TSNARE1: variants seen among roughly 807,000 people sequenced by gnomAD.
TSNARE1 encodes the protein t-SNARE domain containing 1.
A neutral mutation model predicts 62.0 loss-of-function variants in TSNARE1; 49 were observed. That is an observed-to-expected ratio of 0.79 (90% CI 0.63 to 1.00). The LOEUF (loss-of-function observed/expected upper bound fraction) is 1.00. Ranked by LOEUF, TSNARE1 falls within the 50% of genes least tolerant of loss-of-function variation. The probability of loss-of-function intolerance (pLI) is 0.00; values close to 1 mark genes in which losing one functional copy is unlikely to be tolerated. For missense variants in TSNARE1, 755 were observed against 700.1 expected (o/e 1.08, Z -0.88); for synonymous variants, 328 against 294.4 (o/e 1.11, Z -1.17).
At chr8:142,258,811 C>T (rs994154335) in intron 12 of TSNARE1, among the ~76,000 whole-genome samples, 32 of 152,280 alleles carry the variant, frequency 2.1e-4, no homozygotes, top group African/African-American at 7.5e-4. Flanking sequence ...CGTGAACCAC[C>T]ACGCCCAGCC....
intron 12 of TSNARE1, among the ~76,000 whole-genome samples, chr8:142,261,769 G>C (rs73366608): frequency 0.041 from 6,173 of 152,264 alleles, 195 homozygotes; most frequent in African/African-American, 0.08. Flanking sequence ...GCATAGAGGG[G>C]TCTGAGGCTG....
chr8:142,320,571 C>A (rs914055329), intron 6 of TSNARE1, among the ~76,000 whole-genome samples: 1 of 152,224 alleles, frequency 6.6e-6, no homozygotes, highest in Admixed American at 6.5e-5. Context: ...CTTCACCTCC[C>A]CACACCACCC....
At chr8:142,316,358 G>A (rs553503721) in intron 7 of TSNARE1, among the ~76,000 whole-genome samples, 2 of 151,826 alleles carry the variant, frequency 1.3e-5, no homozygotes, top group African/African-American at 4.8e-5. Flanking sequence ...GCTCCAGGCC[G>A]CTCAGCACAA....
rs1829215452 is a variant in TSNARE1 at position 142,319,894 on chromosome 8, C to T, written c.894-1260G>A. Among the ~76,000 whole-genome samples the T allele has an allele frequency of 1.3e-5, 2 of 152,194 alleles. No individual in the cohort carries two copies. Among genetic ancestry groups the T allele is most frequent in the Non-Finnish European group, 2.9e-5 (2 of 68,018 alleles). On this transcript the variant is annotated intron_variant, in intron 6 of 13. Transcript: ENST00000524325. This position sits in a 1 kb window ranked among gnomAD's most constrained non-coding sequence, Gnocchi z 4.9. ...TAGGCGGGAAGCGCGGGGACAGGAG[C>T]TTTCTTCCCCGGGGCCTTGGTCAGG...
chr8:142,295,318 A>G (rs2131176708), intron 10 of TSNARE1, among the ~76,000 whole-genome samples: 1 of 152,348 alleles, frequency 6.6e-6, no homozygotes, highest in East Asian at 1.9e-4. Flanking sequence ...GGTCGGAGTC[A>G]GACTGCCTGG....
intron 12 of TSNARE1, among the ~76,000 whole-genome samples, chr8:142,260,195 G>A (rs756328279): frequency 2.0e-5 from 3 of 152,112 alleles, no homozygotes; most frequent in African/African-American, 4.8e-5. Flanking sequence ...AGCGTGCAAC[G>A]TCTTACCCTG....
At chr8:142,346,489 T>G (rs965428979) in intron 2 of TSNARE1, among the ~76,000 whole-genome samples, 7 of 152,256 alleles carry the variant, frequency 4.6e-5, no homozygotes, top group African/African-American at 1.7e-4. Flanking sequence ...ACACATTTCA[T>G]TGAAATTCAT....
chr8:142,215,345 G>A (rs1176138803), intron 13 of TSNARE1, among the ~76,000 whole-genome samples: 2 of 152,186 alleles, frequency 1.3e-5, no homozygotes, highest in Non-Finnish European at 2.9e-5. Flanking sequence ...ACACAACGCA[G>A]TGTCCTGGTG....
chr8:142,295,752 G>C (rs1007220269), intron 10 of TSNARE1, among the ~76,000 whole-genome samples: 2 of 151,982 alleles, frequency 1.3e-5, no homozygotes, highest in African/African-American at 4.8e-5. Flanking sequence ...GCTTCCAGCT[G>C]GGCCGTCCAT....
intron 1 of TSNARE1, among the ~76,000 whole-genome samples, chr8:142,383,403 G>C (rs1271803218): frequency 6.7e-6 from 1 of 150,198 alleles, no homozygotes; most frequent in Non-Finnish European, 1.5e-5. Context: ...CATCCTCTGT[G>C]GGAGGCCCCA....
intron 13 of TSNARE1, among the ~76,000 whole-genome samples, chr8:142,214,726 C>T (rs994813456): frequency 7.9e-5 from 12 of 152,184 alleles, no homozygotes; most frequent in Non-Finnish European, 1.5e-4. Context: ...TGGGAAGTGC[C>T]GTGGTCCTGA....
chr8:142,308,797 C>A (rs1586711679), intron 9 of TSNARE1, among the ~76,000 whole-genome samples: 1 of 152,190 alleles, frequency 6.6e-6, no homozygotes, highest in South Asian at 2.1e-4. Context: ...CACACACACA[C>A]ACTGAAAACC....
chr8:142,314,508 G>C, intron 8 of TSNARE1, 68 bp from the exon 9 acceptor site: 4 of 1,398,300 alleles, frequency 2.9e-6, no homozygotes, highest in Non-Finnish European at 4.0e-6. Flanking sequence ...AGAAGAAATG[G>C]TCAGCTGAGT....
At chr8:142,252,154 G>A (rs1465092416) in intron 12 of TSNARE1, among the ~76,000 whole-genome samples, 3 of 152,272 alleles carry the variant, frequency 2.0e-5, no homozygotes, top group East Asian at 1.9e-4. Context: ...TGCAGGGCAC[G>A]CACGTTGAGA....
chr8:142,233,912 C>T (rs1817254799), intron 12 of TSNARE1, among the ~76,000 whole-genome samples: 1 of 152,188 alleles, frequency 6.6e-6, no homozygotes, highest in African/African-American at 2.4e-5. Context: ...CAGCTTCCCC[C>T]TGCACAGAAT....
intron 3 of TSNARE1, among the ~76,000 whole-genome samples, chr8:142,344,787 T>C (rs558087972): frequency 6.6e-6 from 1 of 152,338 alleles, no homozygotes; most frequent in African/African-American, 2.4e-5. Flanking sequence ...CAGGCTAGGT[T>C]GCGGCCCTGG....
At position 142,319,010 on chromosome 8, in the gene TSNARE1, C is replaced by A. The variant is rs367694974; in HGVS notation, c.894-376G>T. 6.6e-6 allele frequency among the ~76,000 whole-genome samples: 1 copy of A among 151,018 alleles called. No homozygotes were observed. The highest frequency in any genetic ancestry group is 1.9e-4 in the East Asian group (1 of 5,134). ...GACACCCAGCAAGAGACGGGGGAGACGGGCAGACACACAGCAAGAGGCAGT... is the reference window on the plus strand; with the variant it reads ...GACACCCAGCAAGAGACGGGGGAGAAGGGCAGACACACAGCAAGAGGCAGT... On this transcript the variant is annotated intron_variant, in intron 6 of 13. Transcript: ENST00000524325. The surrounding 1 kb of genome is among the most constrained non-coding windows in gnomAD (Gnocchi z 4.9).
chr8:142,348,231 G>A (rs933173319), intron 2 of TSNARE1, among the ~76,000 whole-genome samples: 5 of 152,104 alleles, frequency 3.3e-5, no homozygotes, highest in Non-Finnish European at 7.3e-5. Flanking sequence ...CACCACATTC[G>A]CCACAAATCA....
intron 1 of TSNARE1, among the ~76,000 whole-genome samples, chr8:142,390,106 T>C (rs1180337851): frequency 1.3e-5 from 2 of 152,272 alleles, no homozygotes; most frequent in Non-Finnish European, 2.9e-5. Flanking sequence ...TAAGGATTTT[T>C]TTAAATGATA....
Sources: gnomAD v4.1 joint callset for allele counts (sites outside exome capture counted in the v4.1 genomes callset) on GRCh38, gnomAD v4.1.1 for gene constraint, Gnocchi (gnomAD v3.1) non-coding constraint, MANE v1.5 for transcripts, NCBI Gene and HGNC (gene_info 2026-07-23, HGNC 2026-07-21) for gene names.